The following ECE2 variants were observed in gnomAD, a reference collection of about 807,000 sequenced individuals.
The protein encoded by ECE2 is endothelin-converting enzyme 2.
A neutral mutation model predicts 100.6 loss-of-function variants in ECE2; 81 were observed. That is an observed-to-expected ratio of 0.81 (90% CI 0.67 to 0.97). The LOEUF (loss-of-function observed/expected upper bound fraction) is 0.97, where lower values mean the gene tolerates loss of function less well. Ranked by LOEUF, ECE2 falls within the 50% of genes least tolerant of loss-of-function variation. The probability of loss-of-function intolerance (pLI) is 0.00; values close to 1 mark genes in which losing one functional copy is unlikely to be tolerated. For synonymous variants in ECE2, 391 were observed against 391.5 expected, an observed-to-expected ratio of 1.00 and a Z score of 0.02; for missense variants, 911 against 988.1, an observed-to-expected ratio of 0.92 and a Z score of 1.05.
chr3:184,284,499 G>A (rs1346900219), intron 8 of ECE2, among the ~76,000 whole-genome samples: 7 of 145,736 alleles, frequency 4.8e-5, no homozygotes, highest in East Asian at 4.0e-4. Context: ...CTGAGATTGC[G>A]CCATTGCACT....
chr3:184,279,923 A>C (rs1246578186), intron 7 of ECE2, among the ~76,000 whole-genome samples: 1 of 152,162 alleles, frequency 6.6e-6, no homozygotes, highest in East Asian at 1.9e-4. Context: ...TGTGAGAAAG[A>C]AAGCCTGGAG....
rs1230752111 is a variant in ECE2 at position 184,276,756 on chromosome 3, C to G, written c.127-136C>G. 3.2e-6 allele frequency: 5 copies of G among 1,556,376 alleles called. No homozygotes were observed. In the Admixed American group the frequency reaches 7.3e-5, roughly 23 times the overall value. On this transcript the variant is annotated intron_variant, in intron 2 of 18. Transcript: ENST00000404464. ...TGCACAAAACAGACTCAAGGCTCAA[C>G]TCACTGGCTGGCCTCATTGCCCCCG...
chr3:184,284,293 A>T (rs1720934794), intron 8 of ECE2, among the ~76,000 whole-genome samples: 1 of 152,172 alleles, frequency 6.6e-6, no homozygotes, highest in Non-Finnish European at 1.5e-5. Context: ...CTGTAATCCC[A>T]GCACTTTGGG....
chr3:184,287,200 C>T (rs549519585), intron 10 of ECE2, among the ~76,000 whole-genome samples: 14 of 150,530 alleles, frequency 9.3e-5, no homozygotes, highest in Admixed American at 4.7e-4. Flanking sequence ...GGCGTGAACC[C>T]GGGAGGTGGA....
intron 7 of ECE2, among the ~76,000 whole-genome samples, chr3:184,279,322 A>AAG (rs1945111496): frequency 6.6e-6 from 1 of 150,386 alleles, no homozygotes; most frequent in African/African-American, 2.4e-5. Flanking sequence ...AAAAAAAAAA[A>AAG]AAAAAAGAAA....
chr3:184,276,285 C>T (rs1720544157), intron 1 of ECE2, 93 bp downstream of exon 1: 2 of 1,415,222 alleles, frequency 1.4e-6, no homozygotes. Context: ...GTGCCCGGCT[C>T]GCGGAGGTAA....
chr3:184,290,374 T>A lies in ECE2; in HGVS notation c.1655+16T>A, dbSNP rs1275992554. On this transcript the variant is annotated intron_variant, in intron 14 of 18. Coordinates refer to ENST00000404464, the MANE Select transcript of ECE2 (RefSeq NM_001100121.2). Reference sequence around the variant, plus strand: ...GCCGAGACCAGTGAGAATGACGGGGTGGACATAGACACTAGGGGTGGCAGG... The same window carrying A: ...GCCGAGACCAGTGAGAATGACGGGGAGGACATAGACACTAGGGGTGGCAGG... 1 of 1,606,186 alleles carries A rather than the reference T, an allele frequency of 6.2e-7. No homozygotes were observed. Among genetic ancestry groups the A allele is most frequent in the East Asian group, 2.2e-5 (1 of 44,686 alleles).
chr3:184,289,039 T>C lies in ECE2; in HGVS notation c.1375-398T>C, dbSNP rs934348241. 1.3e-5 allele frequency among the ~76,000 whole-genome samples: 2 copies of C among 151,406 alleles called. No individual in the cohort carries two copies. The highest frequency in any genetic ancestry group is 4.9e-5 in the African/African-American group (2 of 41,152). On this transcript the variant is annotated intron_variant, in intron 11 of 18. Coordinates refer to ENST00000404464, the MANE Select transcript of ECE2 (RefSeq NM_001100121.2). This position sits in a 1 kb window ranked among gnomAD's most constrained non-coding sequence, Gnocchi z 4.1. ...GCATGATGGCGGGAGCCTGTAATCC[T>C]AGCTACTTGGGAGGCTGAGGCAGGA... is the stretch of plus-strand genomic sequence containing the variant.
chr3:184,283,781 A>G lies in ECE2; in HGVS notation c.817-4A>G, dbSNP rs1357881928. ...GGCTCTGAGGATCACCCGGGCCTTG[A>G]CAGGTGCTCACTGCCTATCTGGATT... On this transcript the variant is annotated splice_region_variant and splice_polypyrimidine_tract_variant and intron_variant, in intron 7 of 18. Coordinates refer to ENST00000404464, the MANE Select transcript of ECE2 (RefSeq NM_001100121.2). 1 of 1,613,160 alleles carries G rather than the reference A, an allele frequency of 6.2e-7. No homozygotes were observed.
intron 10 of ECE2, among the ~76,000 whole-genome samples, chr3:184,287,275 C>CA (rs1371919169): frequency 0.12 from 11,737 of 99,438 alleles, 609 homozygotes; most frequent in East Asian, 0.25. Context: ...GACTCCATCT[C>CA]AAAAAAAAAA....
chr3:184,290,771 CT>C lies in ECE2; in HGVS notation c.1767-20del, dbSNP rs759583077. ...CAGAAGTACCCCCGCCATGTCCTCACTTGCTATTCCTCACCCACCAGGGCCC... is the reference window on the plus strand; with the variant it reads ...CAGAAGTACCCCCGCCATGTCCTCACTGCTATTCCTCACCCACCAGGGCCC... On this transcript the variant is annotated intron_variant, in intron 15 of 18. Coordinates refer to ENST00000404464, the MANE Select transcript of ECE2 (RefSeq NM_001100121.2). The C allele has an allele frequency of 3.1e-6, 5 of 1,614,052 alleles. No individual in the cohort carries two copies. In the Admixed American group the frequency reaches 8.3e-5, roughly 27 times the overall value.
At chr3:184,277,808 G>A in intron 4 of ECE2, 117 bp from the exon 5 acceptor site, 2 of 1,476,368 alleles carry the variant, frequency 1.4e-6, no homozygotes, top group Non-Finnish European at 1.8e-6. Flanking sequence ...CTCTTCCTGG[G>A]TCTGCGTTAG....
In ECE2 at chr3:184,292,780, G is replaced by A. The variant is rs1721387143; in HGVS notation, c.*542G>A. ...TGACAGCTCCTAGTGGAAGCCCAAG[G>A]GCCTCTGAAAGCCTCCTGCTGCCCA... On this transcript the variant is annotated 3_prime_UTR_variant, in exon 19 of 19. Transcript: ENST00000404464. 6.4e-6 allele frequency: 1 copy of A among 156,814 alleles called. No homozygotes were observed. Among genetic ancestry groups the A allele is most frequent in the Non-Finnish European group, 1.4e-5 (1 of 70,738 alleles). 9.7% of individuals were successfully genotyped at this position (156,814 alleles called of 1,614,324 possible).
Position 184,291,704 on chromosome 3 carries a change from C to CATGGTGGGGCAA in ECE2, c.2121+266_2121+267insTGGTGGGGCAAA. The CATGGTGGGGCAA allele has an allele frequency of 2.1e-6, 1 of 486,108 alleles. No individual in the cohort carries two copies. 30.1% of individuals were successfully genotyped at this position (486,108 alleles called of 1,614,324 possible). A position where few individuals can be genotyped will look rare whatever the true frequency, so the allele number is the denominator to read the frequency against. On this transcript the variant is annotated intron_variant, in intron 18 of 18. Transcript: ENST00000404464. The surrounding 1 kb of genome is among the most constrained non-coding windows in gnomAD (Gnocchi z 4.1). ...GCAAGGTTGTCGTGCTTGCGGGGCA[C>CATGGTGGGGCAA]AGGGTGGCGAAGGGGGCAAACGTTC...
Position 184,291,412 on chromosome 3 carries a change from C to T in ECE2, c.2094C>T (p.His698=), listed in dbSNP as rs771261294. 1 of 1,601,808 alleles carries T rather than the reference C, an allele frequency of 6.2e-7. No individual in the cohort carries two copies. Among genetic ancestry groups the T allele is most frequent in the South Asian group, 1.1e-5 (1 of 88,876 alleles). The part of the protein sequence containing the change: ...QQLPAVGLTN[H]QLFFVGFAQV... ...TGCCAGCCGTGGGGCTCACCAACCA[C>T]CAGCTCTTCTTCGTGGGATTTGCCC... The change falls in exon 18 of 19, where the codon CAC becomes CAT. Residue 698 remains histidine, a synonymous_variant. Coordinates refer to ENST00000404464, the MANE Select transcript of ECE2 (RefSeq NM_001100121.2). The surrounding 1 kb of genome is among the most constrained non-coding windows in gnomAD (Gnocchi z 4.1).
Position 184,276,031 on chromosome 3 carries a change from CG to C in ECE2, c.-118del. On this transcript the variant is annotated 5_prime_UTR_variant, in exon 1 of 19. Transcript: ENST00000404464. ...GGGGGGGGGGGCGGCCGCGGCCGAG[CG>C]GGGGTGCTGCGCGGCGGCCGTGATG... is the stretch of plus-strand genomic sequence containing the variant. 1 of 1,075,810 alleles carries C rather than the reference CG, an allele frequency of 9.3e-7. No homozygotes were observed. The highest frequency in any genetic ancestry group is 1.1e-6 in the Non-Finnish European group (1 of 884,816). 66.6% of individuals were successfully genotyped at this position (1,075,810 alleles called of 1,614,324 possible).
At chr3:184,286,796 T>TAAAAAAA (rs11449762) in intron 10 of ECE2, among the ~76,000 whole-genome samples, 6 of 121,942 alleles carry the variant, frequency 4.9e-5, no homozygotes, top group African/African-American at 1.9e-4. Flanking sequence ...AAACTCTGTT[T>TAAAAAAA]AAAAAAAAAA....
At chr3:184,290,989 C>G in intron 16 of ECE2, 51 bp from the exon 17 acceptor site, 3 of 1,559,804 alleles carry the variant, frequency 1.9e-6, no homozygotes, top group Non-Finnish European at 2.6e-6. Context: ...ACTGCTGCCC[C>G]CAAGAGACGA....
Position 184,276,144 on chromosome 3 carries a change from C to G in ECE2, c.-10C>G, listed in dbSNP as rs1276184964. ...GGGAGCCCTGAATCACCGCCTGGCC[C>G]GACTCCACCATGAACGTCGCGCTGC... On this transcript the variant is annotated 5_prime_UTR_variant, in exon 1 of 19. Coordinates refer to ENST00000404464, the MANE Select transcript of ECE2 (RefSeq NM_001100121.2). 1 of 1,399,978 alleles carries G rather than the reference C, an allele frequency of 7.1e-7. No homozygotes were observed. Among genetic ancestry groups the G allele is most frequent in the Admixed American group, 3.1e-5 (1 of 32,208 alleles). The allele number at this position is 1,399,978 out of a possible 1,614,324, so 86.7% of individuals were successfully genotyped here.
Sources: allele counts gnomAD v4.1 joint callset (sites outside exome capture counted in the v4.1 genomes callset), GRCh38; gene constraint gnomAD v4.1.1; non-coding constraint Gnocchi (gnomAD v3.1); transcripts MANE v1.5; gene names NCBI Gene and HGNC (gene_info 2026-07-23, HGNC 2026-07-21).